The following ASCC3 variants were observed in gnomAD, a reference collection of about 807,000 sequenced individuals.
ASCC3 encodes activating signal cointegrator 1 complex subunit 3.
A neutral mutation model predicts 256.3 loss-of-function variants in ASCC3; 158 were observed. The ratio of observed to expected loss-of-function variants is 0.62; its 90% CI spans 0.54 to 0.70. ASCC3 has a LOEUF of 0.70. Among genes scored for constraint, ASCC3 ranks in the 30% least tolerant of loss-of-function variants. The pLI, the probability that ASCC3 is intolerant of heterozygous loss-of-function variation, is 0.00. For missense variants in ASCC3, 2,259 were observed against 2,626.0 expected (o/e 0.86, Z 3.05); for synonymous variants, 948 against 883.4 (o/e 1.07, Z -1.30).
intron 4 of ASCC3, among the ~76,000 whole-genome samples, chr6:100,808,058 C>A (rs1278262342): frequency 2.6e-5 from 4 of 151,814 alleles, no homozygotes; most frequent in Non-Finnish European, 4.4e-5. Context: ...TGCTAAAATG[C>A]AAGGTTTCAA....
intron 10 of ASCC3, among the ~76,000 whole-genome samples, chr6:100,744,418 G>T (rs375841005): frequency 6.6e-5 from 10 of 152,100 alleles, no homozygotes; most frequent in East Asian, 5.8e-4. Flanking sequence ...AAAGAGACAA[G>T]GTCTAGAAGT....
chr6:100,788,903 T>C (rs1312619932), intron 8 of ASCC3, among the ~76,000 whole-genome samples: 3 of 151,900 alleles, frequency 2.0e-5, no homozygotes, highest in Non-Finnish European at 4.4e-5. Context: ...TTTGACATGA[T>C]GAAAATGTTG....
intron 36 of ASCC3, among the ~76,000 whole-genome samples, chr6:100,544,196 A>G (rs898608467): frequency 3.9e-5 from 6 of 152,136 alleles, no homozygotes; most frequent in African/African-American, 1.4e-4. Flanking sequence ...TTATAAAACT[A>G]AACATCTATA....
At chr6:100,849,062 T>C (rs908157451) in intron 3 of ASCC3, among the ~76,000 whole-genome samples, 15 of 152,088 alleles carry the variant, frequency 9.9e-5, no homozygotes, top group Non-Finnish European at 2.9e-5. Context: ...GCCATGATTG[T>C]GTCACTGTAC....
At position 100,642,670 on chromosome 6, in the gene ASCC3, G is replaced by A. The variant is rs903892911; in HGVS notation, c.3812C>T (p.Ala1271Val). The A allele has an allele frequency of 2.5e-6, 4 of 1,613,760 alleles. No individual in the cohort carries two copies. Among genetic ancestry groups the A allele is most frequent in the African/African-American group, 1.3e-5 (1 of 74,926 alleles). Residue 1271 changes from alanine to valine, a missense_variant, in exon 24 of 42, where the codon GCA becomes GTA. Physicochemically the swap from Ala to Val is moderately conservative, Grantham distance 64. Coordinates refer to ENST00000369162, the MANE Select transcript of ASCC3 (RefSeq NM_006828.4). Reference sequence around the variant, plus strand: ...AGCACCCAACCATCTATCAGACACTGCTCGGATGTAGTATTGGGAAGGCAA... The same window carrying A: ...AGCACCCAACCATCTATCAGACACTACTCGGATGTAGTATTGGGAAGGCAA... The part of the protein sequence containing the change: ...EPLPSQYYIR[A>V]VSDRWLGAEA...
In ASCC3 at chr6:100,679,666, G is replaced by A. The variant is rs142055892; in HGVS notation, c.2238C>T (p.Pro746=). ...IERAKNCGHI[P]FFFPTQGHDY... ...CATGTCCTTGGGTAGGAAAAAAGAA[G>A]GGAATATGGCCACAATTTTTTGCTC... The change falls in exon 14 of 42, where the codon CCC becomes CCT. Residue 746 remains proline, a synonymous_variant. Coordinates refer to ENST00000369162, the MANE Select transcript of ASCC3 (RefSeq NM_006828.4). The A allele has an allele frequency of 2.3e-4, 364 of 1,613,624 alleles. 1 individual carries two copies. The African/African-American group carries it at 3.9e-3, about 17-fold the overall frequency.
intron 13 of ASCC3, among the ~76,000 whole-genome samples, chr6:100,686,474 A>C (rs183669290): frequency 8.5e-5 from 13 of 152,324 alleles, no homozygotes; most frequent in African/African-American, 3.1e-4. Context: ...ACCATATGGT[A>C]GTAGATTATA....
chr6:100,614,910 AC>A (rs1288137531), intron 30 of ASCC3, among the ~76,000 whole-genome samples: 11 of 152,146 alleles, frequency 7.2e-5, no homozygotes, highest in Non-Finnish European at 1.5e-4. Flanking sequence ...TCTTTTTTAA[AC>A]TAAAATATTA....
At chr6:100,853,140 T>TGATAAATAA (rs1772767419) in intron 3 of ASCC3, among the ~76,000 whole-genome samples, 1 of 152,142 alleles carries the variant, frequency 6.6e-6, no homozygotes, top group East Asian at 1.9e-4. Context: ...AACCTTACCA[T>TGATAAATAA]ATAAAATGAT....
chr6:100,860,793 C>A (rs899961309), intron 3 of ASCC3, among the ~76,000 whole-genome samples: 1 of 152,032 alleles, frequency 6.6e-6, no homozygotes. Context: ...AAAAGCAGTA[C>A]GCACTATTCA....
At chr6:100,860,849 A>G (rs1773190654) in intron 3 of ASCC3, among the ~76,000 whole-genome samples, 1 of 152,116 alleles carries the variant, frequency 6.6e-6, no homozygotes, top group South Asian at 2.1e-4. Context: ...TAAAGGTTGC[A>G]TGTGATTCAA....
intron 3 of ASCC3, among the ~76,000 whole-genome samples, chr6:100,849,885 A>G (rs576201353): frequency 4.7e-4 from 71 of 152,138 alleles, no homozygotes; most frequent in African/African-American, 1.6e-3. Flanking sequence ...GGATCACCTG[A>G]GGTCAGCAGT....
chr6:100,677,502 A>G (rs938046293), intron 14 of ASCC3, among the ~76,000 whole-genome samples: 2 of 152,150 alleles, frequency 1.3e-5, no homozygotes, highest in Non-Finnish European at 2.9e-5. Context: ...CTCTGTGAAA[A>G]TTATTTACTT....
chr6:100,621,439 A>G (rs891184794), intron 30 of ASCC3, among the ~76,000 whole-genome samples: 2 of 152,220 alleles, frequency 1.3e-5, no homozygotes, highest in Admixed American at 6.5e-5. Context: ...ATATGAACAG[A>G]TACTTCTCAA....
chr6:100,525,156 C>CAAAAAAAAAAAA (rs57882047), intron 37 of ASCC3, among the ~76,000 whole-genome samples: 13 of 44,952 alleles, frequency 2.9e-4, no homozygotes, highest in South Asian at 1.0e-3. Flanking sequence ...GACCCTGTCT[C>CAAAAAAAAAAAA]AAAAAAAAAA....
intron 3 of ASCC3, among the ~76,000 whole-genome samples, chr6:100,854,853 T>C (rs1772862011): frequency 6.6e-6 from 1 of 152,110 alleles, no homozygotes; most frequent in Admixed American, 6.5e-5. Context: ...CTCACTGAGA[T>C]TTAACTTCCA....
chr6:100,880,398 A>T (rs1244640350), intron 1 of ASCC3, among the ~76,000 whole-genome samples: 1 of 152,214 alleles, frequency 6.6e-6, no homozygotes, highest in Non-Finnish European at 1.5e-5. Flanking sequence ...TTGAATGCAC[A>T]AGTGACAACA....
At chr6:100,543,460 T>C (rs1775563532) in intron 36 of ASCC3, among the ~76,000 whole-genome samples, 1 of 152,084 alleles carries the variant, frequency 6.6e-6, no homozygotes, top group South Asian at 2.1e-4. Context: ...TATGTGTAGA[T>C]ATGTATATAT....
At chr6:100,621,441 A>G (rs1366805626) in intron 30 of ASCC3, among the ~76,000 whole-genome samples, 1 of 152,226 alleles carries the variant, frequency 6.6e-6, no homozygotes, top group African/African-American at 2.4e-5. Context: ...ATGAACAGAT[A>G]CTTCTCAAAA....
Sources: allele counts gnomAD v4.1 joint callset (sites outside exome capture counted in the v4.1 genomes callset), GRCh38; gene constraint gnomAD v4.1.1; transcripts MANE v1.5; gene names NCBI Gene and HGNC (gene_info 2026-07-23, HGNC 2026-07-21).